The following SLCO4C1 variants were observed in gnomAD, a reference collection of about 807,000 sequenced individuals.
SLCO4C1 encodes solute carrier organic anion transporter family member 4C1, also known as organic anion transporter M1.
SLCO4C1 carries 58 observed loss-of-function variants against 72.1 expected under a neutral mutation model. The ratio of observed to expected loss-of-function variants is 0.80; its 90% CI spans 0.65 to 1.00. The LOEUF is 1.00. Among genes scored for constraint, SLCO4C1 ranks in the 50% least tolerant of loss-of-function variants. SLCO4C1 has a pLI of 0.00. For missense variants in SLCO4C1, 898 were observed against 857.9 expected, an observed-to-expected ratio of 1.05 and a Z score of -0.58; for synonymous variants, 297 against 312.5, an observed-to-expected ratio of 0.95 and a Z score of 0.52.
chr5:102,252,326 AAG>A (rs1268827662), intron 8 of SLCO4C1, among the ~76,000 whole-genome samples: 6 of 152,312 alleles, frequency 3.9e-5, no homozygotes, highest in Admixed American at 3.3e-4. Context: ...AAACAAATTA[AAG>A]AGAAAAAAAT....
intron 11 of SLCO4C1, among the ~76,000 whole-genome samples, chr5:102,240,297 A>G (rs945662375): frequency 3.3e-5 from 5 of 152,128 alleles, no homozygotes; most frequent in Non-Finnish European, 7.4e-5. Context: ...ATTCTCTGGT[A>G]CAAATTCTTT....
At chr5:102,258,799 G>GAA (rs1485992241) in intron 6 of SLCO4C1, among the ~76,000 whole-genome samples, 12 of 151,530 alleles carry the variant, frequency 7.9e-5, no homozygotes, top group Admixed American at 2.6e-4. Context: ...GAGCAAGATG[G>GAA]GAGCTTTAGA....
chr5:102,239,514 A>G, intron 11 of SLCO4C1, 126 bp from the exon 12 acceptor site: 1 of 575,662 alleles, frequency 1.7e-6, no homozygotes, highest in Non-Finnish European at 2.6e-6. Context: ...CCACATGCAA[A>G]TTAATTCATG....
At chr5:102,267,197 G>C (rs78856641) in intron 3 of SLCO4C1, among the ~76,000 whole-genome samples, 44 of 152,230 alleles carry the variant, frequency 2.9e-4, no homozygotes, top group African/African-American at 9.6e-4. Context: ...GAAAAGAACT[G>C]GTGCTAAGTT....
Position 102,235,959 on chromosome 5 carries a change from C to T in SLCO4C1, c.*899G>A, listed in dbSNP as rs1170014186. 1 of 152,112 alleles carries T rather than the reference C, an allele frequency of 6.6e-6. No individual in the cohort carries two copies. Among genetic ancestry groups the T allele is most frequent in the Non-Finnish European group, 1.5e-5 (1 of 68,022 alleles). The allele number at this position is 152,112 out of a possible 1,614,324, so 9.4% of individuals were successfully genotyped here. Reference sequence around the variant, plus strand: ...ACTATGCAAGGCACTGTCTTAGGTGCTATGAGTAATGTGTTAAGTGGTTGG... The same window carrying T: ...ACTATGCAAGGCACTGTCTTAGGTGTTATGAGTAATGTGTTAAGTGGTTGG... On this transcript the variant is annotated 3_prime_UTR_variant, in exon 13 of 13. Transcript: ENST00000310954.
chr5:102,256,700 A>G lies in SLCO4C1; in HGVS notation c.1469+415T>C, dbSNP rs535231488. Among the ~76,000 whole-genome samples the G allele has an allele frequency of 1.6e-4, 24 of 152,330 alleles. No homozygotes were observed. The South Asian group carries it at 5.0e-3, about 32-fold the overall frequency. Reference sequence around the variant, plus strand: ...TATTAGCAAGGACTAGCTTTATTCTAATTTCTCTTCTTGTCTGTTTGCAAC... The same window carrying G: ...TATTAGCAAGGACTAGCTTTATTCTGATTTCTCTTCTTGTCTGTTTGCAAC... On this transcript the variant is annotated intron_variant, in intron 8 of 12. Coordinates refer to ENST00000310954, the MANE Select transcript of SLCO4C1 (RefSeq NM_180991.5).
Position 102,261,919 on chromosome 5 carries a change from A to G in SLCO4C1, c.1014T>C (p.His338=). Residue 338 remains histidine (H), a synonymous_variant, in exon 5 of 13, where the codon CAT becomes CAC. Coordinates refer to ENST00000310954, the MANE Select transcript of SLCO4C1 (RefSeq NM_180991.5). ...TAAAGAAAGCATGTTTACCTGGTAA[A>G]TGTTTTGGAAAGCAAGAAAAAGGTA... ...LIIPFSCFPK[H]LPGTAEIQAG... is the part of the protein sequence containing the mutation. The G allele has an allele frequency of 1.2e-6, 2 of 1,610,668 alleles. No homozygotes were observed. The highest frequency in any genetic ancestry group is 1.7e-6 in the Non-Finnish European group (2 of 1,178,546).
chr5:102,290,056 T>C (rs1219040648), intron 2 of SLCO4C1, among the ~76,000 whole-genome samples: 1 of 152,164 alleles, frequency 6.6e-6, no homozygotes, highest in Middle Eastern at 3.2e-3. Context: ...GAAAAGAAAT[T>C]GATTTGGCTC....
intron 2 of SLCO4C1, among the ~76,000 whole-genome samples, chr5:102,285,513 G>A (rs1749436124): frequency 1.3e-5 from 2 of 152,090 alleles, no homozygotes; most frequent in South Asian, 2.1e-4. Context: ...TCAAACTCCT[G>A]GCCTCAAGTA....
chr5:102,288,870 A>T (rs559886958), intron 2 of SLCO4C1, among the ~76,000 whole-genome samples: 1 of 151,858 alleles, frequency 6.6e-6, no homozygotes, highest in African/African-American at 2.4e-5. Flanking sequence ...CTCTTTACCC[A>T]CTCACCTCAA....
At chr5:102,249,586 T>C in intron 9 of SLCO4C1, 52 bp downstream of exon 9, 2 of 1,598,480 alleles carry the variant, frequency 1.3e-6, no homozygotes, top group East Asian at 2.2e-5. Context: ...GAAGTCAAGA[T>C]AATCCACAAA....
Position 102,243,298 on chromosome 5 carries a change from C to T in SLCO4C1, c.1812-2516G>A, listed in dbSNP as rs549950184. Among the ~76,000 whole-genome samples, 15 of 152,298 alleles carry T rather than the reference C, an allele frequency of 9.8e-5. No individual in the cohort carries two copies. The South Asian group carries it at 2.9e-3, about 29-fold the overall frequency. On this transcript the variant is annotated intron_variant, in intron 10 of 12. Transcript: ENST00000310954. ...TCCCCACCCAAGCGAAGGACACAAG[C>T]GTGGCTGGCTTTCCCACTTGCTGAT...
At chr5:102,249,902 A>G (rs887201372) in intron 8 of SLCO4C1, 114 bp from the exon 9 acceptor site, 11 of 1,039,962 alleles carry the variant, frequency 1.1e-5, no homozygotes, top group Non-Finnish European at 1.5e-5. Flanking sequence ...TCAACACATA[A>G]TTACTAAACA....
chr5:102,281,483 C>T (rs1304441040), intron 2 of SLCO4C1, among the ~76,000 whole-genome samples: 2 of 151,704 alleles, frequency 1.3e-5, no homozygotes, highest in African/African-American at 4.8e-5. Context: ...TCTGAAAGAC[C>T]CTGTTAAGAG....
intron 3 of SLCO4C1, among the ~76,000 whole-genome samples, chr5:102,265,741 T>A (rs1749025363): frequency 1.3e-5 from 2 of 152,208 alleles, no homozygotes; most frequent in South Asian, 2.1e-4. Flanking sequence ...AATCAGATAG[T>A]GTGATGCTTT....
chr5:102,262,166 GC>G (rs1188495968), intron 4 of SLCO4C1, 133 bp from the exon 5 acceptor site: 1 of 567,724 alleles, frequency 1.8e-6, no homozygotes, highest in Non-Finnish European at 2.8e-6. Context: ...GTTTAATGGT[GC>G]CATTGCAAAG....
At chr5:102,262,563 C>T (rs980943052) in intron 4 of SLCO4C1, among the ~76,000 whole-genome samples, 1 of 152,026 alleles carries the variant, frequency 6.6e-6, no homozygotes, top group Non-Finnish European at 1.5e-5. Flanking sequence ...GCCTTGAACC[C>T]CTGGGTTCAA....
intron 2 of SLCO4C1, among the ~76,000 whole-genome samples, chr5:102,276,422 G>C (rs986372736): frequency 6.6e-6 from 1 of 152,202 alleles, no homozygotes; most frequent in East Asian, 1.9e-4. Flanking sequence ...ACGAAAACAA[G>C]AGCAGGGCGA....
intron 6 of SLCO4C1, among the ~76,000 whole-genome samples, chr5:102,259,292 C>CA (rs1748894669): frequency 2.0e-5 from 3 of 148,870 alleles, no homozygotes; most frequent in Admixed American, 2.0e-4. Flanking sequence ...GACACAAGGA[C>CA]AAAAAAAAGT....
Sources: allele counts gnomAD v4.1 joint callset (sites outside exome capture counted in the v4.1 genomes callset), GRCh38; gene constraint gnomAD v4.1.1; transcripts MANE v1.5; gene names NCBI Gene and HGNC (gene_info 2026-07-23, HGNC 2026-07-21).